PSD2: variants seen among roughly 807,000 people sequenced by gnomAD.
PSD2 encodes the protein PH and SEC7 domain-containing protein 2.
In PSD2, 38 loss-of-function variants were observed where a neutral mutation model predicts 69.8. The ratio of observed to expected loss-of-function variants is 0.54; its 90% CI spans 0.42 to 0.71. The LOEUF (loss-of-function observed/expected upper bound fraction) is 0.71. Ranked by LOEUF, PSD2 falls within the 30% of genes least tolerant of loss-of-function variation. The pLI is 0.00. For missense variants in PSD2, 943 were observed against 1,014.5 expected (o/e 0.93, Z 0.96); for synonymous variants, 412 against 423.0 (o/e 0.97, Z 0.32).
Position 139,837,622 on chromosome 5 carries a change from C to A in PSD2, c.1666-3C>A. 6.3e-7 allele frequency: 1 copy of A among 1,593,652 alleles called. No homozygotes were observed. Among genetic ancestry groups the A allele is most frequent in the Non-Finnish European group, 8.6e-7 (1 of 1,164,744 alleles). On this transcript the variant is annotated splice_polypyrimidine_tract_variant and splice_region_variant and intron_variant, in intron 11 of 14. Transcript: ENST00000274710. The surrounding 1 kb of genome is among the most constrained non-coding windows in gnomAD (Gnocchi z 5.0). ...CCTAGCTCGCCCATCCTGCCCCACC[C>A]AGGATGAGTACAGGCCTGACAAAGC...
intron 8 of PSD2, 141 bp from the exon 9 acceptor site, chr5:139,835,582 G>A (rs1760695176): frequency 2.5e-6 from 2 of 799,706 alleles, no homozygotes; most frequent in Non-Finnish European, 4.4e-6. Flanking sequence ...TACCCATCCA[G>A]CAAATAAGTA....
At chr5:139,746,740 CT>C in the PSD2 span, among the ~76,000 whole-genome samples, 1 of 152,194 alleles carries the variant, frequency 6.6e-6, no homozygotes, top group African/African-American at 2.4e-5. The surrounding 1 kb of genome is among the most constrained non-coding windows in gnomAD (Gnocchi z 4.5). Context: ...GCAGCACCCC[CT>C]GACCCCCACG....
rs746872127 is a variant in PSD2, at chr5:139,809,554, C to T, written c.114C>T (p.Gly38=). 1.2e-6 allele frequency: 2 copies of T among 1,613,808 alleles called. No individual in the cohort carries two copies. The highest frequency in any genetic ancestry group is 1.7e-6 in the Non-Finnish European group (2 of 1,179,856). The change falls in exon 2 of 15, where the codon GGC becomes GGT. Residue 38 remains glycine (G), a synonymous_variant. Transcript: ENST00000274710. ...TCCGGAATGGGATGGCCAGTGAGGG[C>T]CTGAACAGCAGCCTCTGCAGCCCAG... The part of the protein sequence containing the change: ...PGVRNGMASE[G]LNSSLCSPGH...
At chr5:139,792,305 TTG>T (rs1759427747), upstream of PSD2, among the ~76,000 whole-genome samples, 1 of 152,034 alleles carries the variant, frequency 6.6e-6, no homozygotes, top group Non-Finnish European at 1.5e-5. Context: ...GATGGGAGAA[TTG>T]GGTGTTTTAG....
In PSD2 at chr5:139,820,870, A is replaced by G. The variant is rs567462617; in HGVS notation, c.1098-1023A>G. Among the ~76,000 whole-genome samples the G allele has an allele frequency of 7.3e-5, 11 of 151,652 alleles. No individual in the cohort carries two copies. The South Asian group carries it at 2.1e-3, about 29-fold the overall frequency. ...GGAGGCAGAGGAGGGTAGTCTGGGCAGTGAACATGGCCATGATATGAGGAG... is the reference window on the plus strand; with the variant it reads ...GGAGGCAGAGGAGGGTAGTCTGGGCGGTGAACATGGCCATGATATGAGGAG... On this transcript the variant is annotated intron_variant, in intron 5 of 14. Transcript: ENST00000274710.
intron 7 of PSD2, among the ~76,000 whole-genome samples, chr5:139,831,342 A>G (rs1278447187): frequency 6.6e-6 from 1 of 152,218 alleles, no homozygotes; most frequent in African/African-American, 2.4e-5. Flanking sequence ...ATCTTGTATC[A>G]TATACTTAAA....
At chr5:139,830,845 T>A (rs1308719549) in intron 7 of PSD2, among the ~76,000 whole-genome samples, 52 of 133,450 alleles carry the variant, frequency 3.9e-4, no homozygotes, top group African/African-American at 1.3e-3. Context: ...TTTTTTTTTT[T>A]ATTGATTCAA....
At chr5:139,801,415 C>T (rs1040019485) in intron 1 of PSD2, among the ~76,000 whole-genome samples, 1 of 152,218 alleles carries the variant, frequency 6.6e-6, no homozygotes, top group African/African-American at 2.4e-5. Flanking sequence ...CAGCATTTGA[C>T]ACATCCAGTC....
the PSD2 span, among the ~76,000 whole-genome samples, chr5:139,790,645 T>C: frequency 6.6e-6 from 1 of 152,176 alleles, no homozygotes; most frequent in South Asian, 2.1e-4. Flanking sequence ...TGTCAGATGC[T>C]GTCAGGAAGC....
chr5:139,833,226 A>G (rs989935921), intron 7 of PSD2, among the ~76,000 whole-genome samples: 3 of 152,080 alleles, frequency 2.0e-5, no homozygotes, highest in Non-Finnish European at 4.4e-5. Context: ...CGGTGAGAGC[A>G]CGGGATTTGG....
the PSD2 span, among the ~76,000 whole-genome samples, chr5:139,752,110 C>G: frequency 6.6e-6 from 1 of 152,170 alleles, no homozygotes; most frequent in East Asian, 1.9e-4. Flanking sequence ...CCTCTTGACT[C>G]AGTGGTGGAG....
upstream of PSD2, among the ~76,000 whole-genome samples, chr5:139,793,718 T>A (rs2126915819): frequency 1.3e-5 from 2 of 152,310 alleles, no homozygotes; most frequent in East Asian, 3.9e-4. Context: ...GTCCATCCAG[T>A]GGACAACAAT....
intron 7 of PSD2, among the ~76,000 whole-genome samples, chr5:139,823,671 G>A (rs1251846615): frequency 1.3e-5 from 2 of 152,202 alleles, no homozygotes; most frequent in African/African-American, 4.8e-5. Flanking sequence ...ATCTCCCTGC[G>A]GTGTCATGGG....
intron 6 of PSD2, 143 bp from the exon 7 acceptor site, chr5:139,822,583 A>T: frequency 1.6e-6 from 1 of 613,020 alleles, no homozygotes; most frequent in South Asian, 2.6e-5. Flanking sequence ...CTGGAGCGTC[A>T]CACAGGCCCT....
At chr5:139,773,034 G>A in the PSD2 span, 27 of 152,016 alleles carry the variant, frequency 1.8e-4, 1 homozygote, top group African/African-American at 5.6e-4. Flanking sequence ...TTTTATTTAC[G>A]GTAAAATATA....
At chr5:139,792,738 C>T (rs1759435408), upstream of PSD2, among the ~76,000 whole-genome samples, 1 of 151,696 alleles carries the variant, frequency 6.6e-6, no homozygotes, top group African/African-American at 2.4e-5. Flanking sequence ...TTCTCTCTTT[C>T]TTTTTTCTTT....
chr5:139,803,224 C>T (rs1759717300), intron 1 of PSD2, among the ~76,000 whole-genome samples: 1 of 152,222 alleles, frequency 6.6e-6, no homozygotes, highest in African/African-American at 2.4e-5. Flanking sequence ...TGGCCCCCCT[C>T]CTGGCCCCAC....
the PSD2 span, among the ~76,000 whole-genome samples, chr5:139,756,015 C>G: frequency 6.6e-6 from 1 of 152,190 alleles, no homozygotes; most frequent in Non-Finnish European, 1.5e-5. Context: ...CGCTAGTGTC[C>G]CCGCGGCTGC....
At chr5:139,787,600 G>A in the PSD2 span, among the ~76,000 whole-genome samples, 4 of 152,378 alleles carry the variant, frequency 2.6e-5, no homozygotes, top group Admixed American at 6.5e-5. Flanking sequence ...TCCGCCTGGT[G>A]CCGCGGGTGC....
Sources: allele counts gnomAD v4.1 joint callset (sites outside exome capture counted in the v4.1 genomes callset), GRCh38; gene constraint gnomAD v4.1.1; non-coding constraint Gnocchi (gnomAD v3.1); transcripts MANE v1.5; gene names NCBI Gene and HGNC (gene_info 2026-07-23, HGNC 2026-07-21).